The following ABCB5 variants were observed in gnomAD, a reference collection of about 807,000 sequenced individuals.
ABCB5 encodes ATP binding cassette subfamily B member 5.
A neutral mutation model predicts 144.2 loss-of-function variants in ABCB5; 155 were observed. The ratio of observed to expected loss-of-function variants is 1.08; its 90% confidence interval spans 0.94 to 1.23. The LOEUF (loss-of-function observed/expected upper bound fraction) is 1.23. Among genes scored for constraint, ABCB5 ranks in the 50% most tolerant of loss-of-function variants. The pLI, the probability that ABCB5 is intolerant of heterozygous loss-of-function variation, is 0.00. For synonymous variants in ABCB5, 610 were observed against 528.6 expected, an observed-to-expected ratio of 1.15 and a Z score of -2.11; for missense variants, 1,830 against 1,520.8, an observed-to-expected ratio of 1.20 and a Z score of -3.38.
intron 7 of ABCB5, among the ~76,000 whole-genome samples, chr7:20,643,858 A>G (rs569044955): frequency 6.6e-6 from 1 of 152,360 alleles, no homozygotes; most frequent in African/African-American, 2.4e-5. Flanking sequence ...AACATTGAAA[A>G]CATTTCTCTT....
intron 21 of ABCB5, among the ~76,000 whole-genome samples, chr7:20,724,586 A>G (rs7805095): frequency 0.85 from 124,583 of 145,874 alleles, 53,405 homozygotes; most frequent in East Asian, 0.94. Flanking sequence ...CTGAGATTGC[A>G]CCACTGCACT....
chr7:20,631,960 C>A lies in ABCB5; in HGVS notation c.260-99C>A, dbSNP rs10248261. 6.3e-3 allele frequency: 3,814 copies of A among 609,892 alleles called. 88 individuals carry two copies. Among genetic ancestry groups the A allele is most frequent in the East Asian group, 0.058 (1,889 of 32,352 alleles). 37.8% of individuals were successfully genotyped at this position (609,892 alleles called of 1,614,324 possible). A position where few individuals can be genotyped will look rare whatever the true frequency, so the allele number is the denominator to read the frequency against. On this transcript the variant is annotated intron_variant, in intron 4 of 27. Coordinates refer to ENST00000404938, the MANE Select transcript of ABCB5 (RefSeq NM_001163941.2). ...TGCGTGTGGGCAGTAAATCTGTTGT[C>A]TTAAGAGTGCACTATATTTGGTTTG... is the stretch of plus-strand genomic sequence containing the variant.
intron 24 of ABCB5, 72 bp downstream of exon 24, chr7:20,739,211 G>T: frequency 7.2e-7 from 1 of 1,391,020 alleles, no homozygotes; most frequent in Non-Finnish European, 9.3e-7. Flanking sequence ...ACTGAAGATG[G>T]GAGGGAGAGA....
rs373268560 is a variant in ABCB5 at position 20,709,514 on chromosome 7, C to T, written c.2421+4707C>T. Among the ~76,000 whole-genome samples, 65 of 149,756 alleles carry T rather than the reference C, an allele frequency of 4.3e-4. 3 individuals carry two copies. The highest frequency in any genetic ancestry group is 1.5e-3 in the African/African-American group (60 of 40,536). ...GAATACAAAATAACTCACAGCCCAC[C>T]GTTCCTTAAAAACATGGCATTGAAA... On this transcript the variant is annotated intron_variant, in intron 20 of 27. Transcript: ENST00000404938.
At chr7:20,704,194 A>C (rs1786737796) in intron 19 of ABCB5, among the ~76,000 whole-genome samples, 1 of 148,656 alleles carries the variant, frequency 6.7e-6, no homozygotes, top group African/African-American at 2.5e-5. Flanking sequence ...TCCCCACCTC[A>C]GCCTCCCAAG....
In ABCB5 at chr7:20,728,350, G is replaced by C. The variant is rs778279932; in HGVS notation, c.2762G>C (p.Cys921Ser). Residue 921 changes from cysteine to serine, a missense_variant, in exon 23 of 28, where the codon TGT becomes TCT. Coordinates refer to ENST00000404938, the MANE Select transcript of ABCB5 (RefSeq NM_001163941.2). ...AAGAAAGCACAGATTATTGGAAGCTGTTATGCATTCAGCCATGCCTTTATA... is the reference window on the plus strand; with the variant it reads ...AAGAAAGCACAGATTATTGGAAGCTCTTATGCATTCAGCCATGCCTTTATA... ...TSKKAQIIGS[C>S]YAFSHAFIYF... 1.2e-6 allele frequency: 2 copies of C among 1,614,144 alleles called. No individual in the cohort carries two copies. The highest frequency in any genetic ancestry group is 2.2e-5 in the East Asian group (1 of 44,886).
At chr7:20,641,319 A>C (rs1276595323) in intron 5 of ABCB5, among the ~76,000 whole-genome samples, 1 of 147,730 alleles carries the variant, frequency 6.8e-6, no homozygotes, top group Non-Finnish European at 1.5e-5. Flanking sequence ...TTCAGGAAGA[A>C]TCTATTAAAC....
intron 23 of ABCB5, 42 bp from the exon 24 acceptor site, chr7:20,738,941 G>T: frequency 6.5e-7 from 1 of 1,528,464 alleles, no homozygotes. Context: ...GTTTTACAAA[G>T]GATCGATGGA....
At chr7:20,634,920 G>A (rs1784119377) in intron 5 of ABCB5, among the ~76,000 whole-genome samples, 1 of 151,830 alleles carries the variant, frequency 6.6e-6, no homozygotes, top group African/African-American at 2.4e-5. Flanking sequence ...ATTTCCATTT[G>A]TCTATTTTCG....
chr7:20,735,095 T>C (rs916276096), intron 23 of ABCB5, among the ~76,000 whole-genome samples: 1 of 152,108 alleles, frequency 6.6e-6, no homozygotes, highest in Non-Finnish European at 1.5e-5. Context: ...ATATTTTCTA[T>C]CCATATTATC....
At chr7:20,663,422 A>C (rs1303216466) in intron 14 of ABCB5, among the ~76,000 whole-genome samples, 1 of 152,326 alleles carries the variant, frequency 6.6e-6, no homozygotes, top group African/African-American at 2.4e-5. Flanking sequence ...TTAAAAGGAA[A>C]TTCTGATGAT....
intron 14 of ABCB5, among the ~76,000 whole-genome samples, chr7:20,665,799 A>ACATG (rs1328749377): frequency 6.6e-6 from 1 of 151,606 alleles, no homozygotes; most frequent in Admixed American, 6.6e-5. Flanking sequence ...ATACATACAT[A>ACATG]CATACATACA....
intron 9 of ABCB5, 182 bp from the exon 10 acceptor site, chr7:20,647,353 G>T: frequency 7.5e-7 from 1 of 1,334,516 alleles, no homozygotes; most frequent in East Asian, 2.9e-5. Flanking sequence ...ATTGCTTCTC[G>T]GCCTTTTGGC....
At chr7:20,622,713 G>C (rs993805787) in intron 1 of ABCB5, among the ~76,000 whole-genome samples, 2 of 152,034 alleles carry the variant, frequency 1.3e-5, no homozygotes, top group Non-Finnish European at 2.9e-5. Flanking sequence ...CCAAGGAAGA[G>C]TAAATTATGC....
chr7:20,631,303 T>C (rs758040218), intron 4 of ABCB5, among the ~76,000 whole-genome samples: 4 of 152,122 alleles, frequency 2.6e-5, no homozygotes, highest in African/African-American at 4.8e-5. Context: ...CACAATTCCA[T>C]AAATAGAATA....
chr7:20,653,828 C>A (rs1167815769), intron 13 of ABCB5, among the ~76,000 whole-genome samples: 2 of 152,166 alleles, frequency 1.3e-5, no homozygotes, highest in African/African-American at 4.8e-5. Context: ...AAGCTGCAAG[C>A]GGAACACTGG....
chr7:20,724,072 C>T (rs1306403319), intron 21 of ABCB5, among the ~76,000 whole-genome samples: 4 of 152,136 alleles, frequency 2.6e-5, no homozygotes, highest in Non-Finnish European at 5.9e-5. Context: ...CCCTGTCAAG[C>T]GTCCATCCCC....
At chr7:20,657,174 G>A (rs889622374) in intron 13 of ABCB5, among the ~76,000 whole-genome samples, 1 of 152,078 alleles carries the variant, frequency 6.6e-6, no homozygotes, top group Non-Finnish European at 1.5e-5. Context: ...CTCCCAAAGT[G>A]CTGGGATTAC....
At position 20,652,259 on chromosome 7, in the gene ABCB5, T is replaced by A. The variant is rs146966667; in HGVS notation, c.1536+636T>A. 4.7e-3 allele frequency among the ~76,000 whole-genome samples: 711 copies of A among 152,300 alleles called. 8 individuals are homozygous for A. Among genetic ancestry groups the A allele is most frequent in the Non-Finnish European group, 8.5e-3 (581 of 68,022 alleles). On this transcript the variant is annotated intron_variant, in intron 13 of 27. Coordinates refer to ENST00000404938, the MANE Select transcript of ABCB5 (RefSeq NM_001163941.2). ...GATCATTTTTTAAAGCACAGGAAGC[T>A]AACATTGCATAAGAAATGTGAAATC...
Sources: allele counts gnomAD v4.1 joint callset (sites outside exome capture counted in the v4.1 genomes callset), GRCh38; gene constraint gnomAD v4.1.1; transcripts MANE v1.5; gene names NCBI Gene and HGNC (gene_info 2026-07-23, HGNC 2026-07-21).